KIF13B: variants seen among roughly 807,000 people sequenced by gnomAD.
KIF13B encodes the protein kinesin-like protein KIF13B.
A neutral mutation model predicts 222.0 loss-of-function variants in KIF13B; 127 were observed. That is an observed-to-expected ratio of 0.57 (90% confidence interval 0.50 to 0.66). KIF13B has a LOEUF of 0.66. KIF13B is among the 30% of genes least tolerant of loss of function. The pLI is 0.00. For missense variants in KIF13B, 2,173 were observed against 2,379.0 expected (o/e 0.91, Z 1.80); for synonymous variants, 976 against 919.0 (o/e 1.06, Z -1.12).
Position 29,123,488 on chromosome 8 carries a change from T to C in KIF13B, c.3357A>G (p.Lys1119=), listed in dbSNP as rs1275760122. 6.2e-7 allele frequency: 1 copy of C among 1,613,978 alleles called. No homozygotes were observed. Among genetic ancestry groups the C allele is most frequent in the South Asian group, 1.1e-5 (1 of 91,080 alleles). Residue 1119 remains lysine (K), a synonymous_variant, in exon 28 of 40, where the codon AAA becomes AAG. Transcript: ENST00000524189. The part of the protein sequence containing the change: ...QLQKLVSKRD[K]TEDDADREAQ... ...CTTCACGGTCAGCATCATCCTCTGT[T>C]TTATCTAGAACATCGAGAATGAGGA...
At chr8:29,152,403 G>T (rs1811337062) in intron 14 of KIF13B, among the ~76,000 whole-genome samples, 1 of 152,156 alleles carries the variant, frequency 6.6e-6, no homozygotes, top group African/African-American at 2.4e-5. Context: ...AGGCTACAGA[G>T]AAATCGTTCT....
At chr8:29,197,194 G>A (rs1255644949) in intron 2 of KIF13B, among the ~76,000 whole-genome samples, 10 of 151,056 alleles carry the variant, frequency 6.6e-5, no homozygotes, top group South Asian at 2.1e-4. Flanking sequence ...AAAATTAGCC[G>A]GGCGTAGTGG....
At chr8:29,257,833 A>G (rs1190250438) in intron 1 of KIF13B, among the ~76,000 whole-genome samples, 1 of 152,172 alleles carries the variant, frequency 6.6e-6, no homozygotes, top group Non-Finnish European at 1.5e-5. Flanking sequence ...ATAAATAAAA[A>G]CAAAGAAACC....
At chr8:29,080,327 C>CA (rs5890439) in intron 37 of KIF13B, among the ~76,000 whole-genome samples, 16,858 of 67,164 alleles carry the variant, frequency 0.25, 2,646 homozygotes, top group South Asian at 0.44. Context: ...GACCCAGTCT[C>CA]AAAAAAAAAA....
At chr8:29,182,231 G>C (rs1206811856) in intron 6 of KIF13B, among the ~76,000 whole-genome samples, 1 of 152,312 alleles carries the variant, frequency 6.6e-6, no homozygotes, top group South Asian at 2.1e-4. Context: ...TATATTGTGG[G>C]ATGCCTATTT....
intron 2 of KIF13B, among the ~76,000 whole-genome samples, chr8:29,215,126 C>T (rs1021257550): frequency 6.6e-6 from 1 of 152,078 alleles, no homozygotes; most frequent in African/African-American, 2.4e-5. Flanking sequence ...TGCTCTTTCC[C>T]GTCCTCATGA....
intron 25 of KIF13B, among the ~76,000 whole-genome samples, chr8:29,126,775 G>C (rs1433374327): frequency 2.0e-5 from 3 of 152,090 alleles, no homozygotes; most frequent in Non-Finnish European, 4.4e-5. Flanking sequence ...AGTCCCACTC[G>C]CCAGGGGAAA....
intron 1 of KIF13B, among the ~76,000 whole-genome samples, chr8:29,247,938 A>G (rs1816108249): frequency 1.3e-5 from 2 of 152,096 alleles, no homozygotes; most frequent in Non-Finnish European, 2.9e-5. Context: ...GCCAATAAGC[A>G]CAAGAAAAGA....
chr8:29,113,913 C>T (rs369267210), intron 31 of KIF13B, among the ~76,000 whole-genome samples: 2 of 152,170 alleles, frequency 1.3e-5, no homozygotes, highest in Non-Finnish European at 2.9e-5. Flanking sequence ...ATGGAAGCAA[C>T]GACTGGTGAT....
intron 6 of KIF13B, among the ~76,000 whole-genome samples, chr8:29,183,168 G>GT (rs58034349): frequency 0.22 from 25,953 of 117,514 alleles, 3,738 homozygotes; most frequent in African/African-American, 0.36. Context: ...CTTAAAGTTT[G>GT]TTTTTTTTTT....
Position 29,110,043 on chromosome 8 carries a change from C to T in KIF13B, c.3958G>A (p.Ala1320Thr), listed in dbSNP as rs553766326. 1 of 1,567,336 alleles carries T rather than the reference C, an allele frequency of 6.4e-7. No individual in the cohort carries two copies. The highest frequency in any genetic ancestry group is 1.2e-5 in the South Asian group (1 of 85,258). The change falls in exon 33 of 40, where the codon GCA becomes ACA. Residue 1320 changes from alanine to threonine, a missense_variant. By Grantham distance (58) the Ala-to-Thr change is moderately conservative. Transcript: ENST00000524189. ...EDAQGVEEREALARMAANVEN... is the reference protein window; with the variant it reads ...EDAQGVEERETLARMAANVEN... ...ACATTGGCTGCCATTCTTGCTAATG[C>T]TTCCCGTTCTTCCACTCCCTGGGCA...
chr8:29,187,975 T>A lies in KIF13B; in HGVS notation c.316+540A>T, dbSNP rs1813016070. Among the ~76,000 whole-genome samples, 2 of 152,200 alleles carry A rather than the reference T, an allele frequency of 1.3e-5. 1 individual carries two copies. Among genetic ancestry groups the A allele is most frequent in the South Asian group, 4.1e-4 (2 of 4,834 alleles). ...GGAGCTGTCGCCGCCTGGCCCCAGC[T>A]TTCTGCCCTTTCAACACGACACATG... On this transcript the variant is annotated intron_variant, in intron 5 of 39. Transcript: ENST00000524189.
chr8:29,113,821 G>C (rs1809468877), intron 31 of KIF13B, among the ~76,000 whole-genome samples: 1 of 152,206 alleles, frequency 6.6e-6, no homozygotes, highest in Non-Finnish European at 1.5e-5. Context: ...ACTGGCAGTA[G>C]GCATCTGGAT....
At chr8:29,142,394 A>C in intron 18 of KIF13B, 91 bp from the exon 19 acceptor site, 1 of 1,104,424 alleles carries the variant, frequency 9.1e-7, no homozygotes, top group South Asian at 1.5e-5. Context: ...AAATGTCATT[A>C]CACCAAAACT....
At chr8:29,130,931 C>G (rs1810315138) in intron 23 of KIF13B, among the ~76,000 whole-genome samples, 1 of 152,044 alleles carries the variant, frequency 6.6e-6, no homozygotes, top group Non-Finnish European at 1.5e-5. Flanking sequence ...AGTCGTTACT[C>G]AAAAATTGGA....
At chr8:29,134,948 A>T (rs926440620) in intron 21 of KIF13B, among the ~76,000 whole-genome samples, 2 of 152,196 alleles carry the variant, frequency 1.3e-5, no homozygotes, top group Non-Finnish European at 2.9e-5. Context: ...GTGCAACTGG[A>T]GATACATGTC....
chr8:29,188,112 G>A (rs1310055520), intron 5 of KIF13B, among the ~76,000 whole-genome samples: 1 of 151,756 alleles, frequency 6.6e-6, no homozygotes, highest in Non-Finnish European at 1.5e-5. Flanking sequence ...TTCTTTTCTT[G>A]ACCACAGAGA....
rs1426607352 is a variant in KIF13B at position 29,072,172 on chromosome 8, C to G, written c.4666G>C (p.Gly1556Arg). 1.3e-5 allele frequency: 19 copies of G among 1,428,886 alleles called. No individual in the cohort carries two copies. Among genetic ancestry groups the G allele is most frequent in the Non-Finnish European group, 1.7e-5 (19 of 1,091,290 alleles). 88.5% of individuals were successfully genotyped at this position (1,428,886 alleles called of 1,614,324 possible). ...AVTPAPEAQD[G>R]PPSPLSEASS... ...GCTTCACTCAGGGGGCTGGGGGGCC[C>G]GTCCTGTGCCTCCGGAGCCGGGGTG... The change falls in exon 39 of 40, where the codon GGG becomes CGG. Residue 1556 changes from glycine (G) to arginine (R), a missense_variant. Gly to Arg is a moderately radical substitution (Grantham distance 125, BLOSUM62 -2). Around this residue, in one of 2 missense-constraint regions of KIF13B, gnomAD observed 693 missense variants for 656.2 expected, o/e 1.06. Transcript: ENST00000524189.
chr8:29,184,801 G>A (rs1812860947), intron 6 of KIF13B, among the ~76,000 whole-genome samples: 1 of 152,124 alleles, frequency 6.6e-6, no homozygotes, highest in African/African-American at 2.4e-5. Context: ...GTAGGTCTGG[G>A]CTGGATCTCA....
Sources: gnomAD v4.1 joint callset for allele counts (sites outside exome capture counted in the v4.1 genomes callset) on GRCh38, gnomAD v4.1.1 for gene constraint, gnomAD v4.1.1 regional missense constraint, MANE v1.5 for transcripts, NCBI Gene and HGNC (gene_info 2026-07-23, HGNC 2026-07-21) for gene names.